SLC35F2: variants seen among roughly 807,000 people sequenced by gnomAD.
The protein encoded by SLC35F2 is solute carrier family 35 member F2.
SLC35F2 carries 25 observed loss-of-function variants against 38.1 expected under a neutral mutation model. The ratio of observed to expected loss-of-function variants is 0.66; its 90% CI spans 0.48 to 0.92. SLC35F2 has a LOEUF of 0.92. Ranked by LOEUF, SLC35F2 falls within the 40% of genes least tolerant of loss-of-function variation. The probability of loss-of-function intolerance (pLI) is 0.00; values close to 1 mark genes in which losing one functional copy is unlikely to be tolerated. For missense variants in SLC35F2, 409 were observed against 452.9 expected, an observed-to-expected ratio of 0.90 and a Z score of 0.88; for synonymous variants, 173 against 181.7, an observed-to-expected ratio of 0.95 and a Z score of 0.38.
In SLC35F2 at chr11:107,804,890, T is replaced by A. The variant is rs544301791; in HGVS notation, c.732-120A>T. 154 of 1,175,188 alleles carry A rather than the reference T, an allele frequency of 1.3e-4. No homozygotes were observed. In the South Asian group the frequency reaches 2.1e-3, roughly 16 times the overall value. The allele number at this position is 1,175,188 out of a possible 1,614,324, so 72.8% of individuals were successfully genotyped here. A position where few individuals can be genotyped will look rare whatever the true frequency, so the allele number is the denominator to read the frequency against. ...ATTACATGGACATTTGAATTTGTCT[T>A]AGAATATAAAAATAACGATCTTTAA... On this transcript the variant is annotated intron_variant, in intron 5 of 7. Coordinates refer to ENST00000525815, the MANE Select transcript of SLC35F2 (RefSeq NM_017515.5).
chr11:107,817,743 T>C (rs1183952635), intron 1 of SLC35F2, among the ~76,000 whole-genome samples: 1 of 152,056 alleles, frequency 6.6e-6, no homozygotes, highest in Non-Finnish European at 1.5e-5. Context: ...TCAACATGTA[T>C]CCGTGTATCT....
chr11:107,833,090 A>G (rs981609314), intron 1 of SLC35F2, among the ~76,000 whole-genome samples: 2 of 152,226 alleles, frequency 1.3e-5, no homozygotes, highest in African/African-American at 4.8e-5. Flanking sequence ...ATTCATGCTA[A>G]TGGACGCCAT....
intron 6 of SLC35F2, among the ~76,000 whole-genome samples, chr11:107,804,115 C>T (rs1378713659): frequency 2.0e-5 from 3 of 151,732 alleles, no homozygotes; most frequent in Admixed American, 1.3e-4. Flanking sequence ...GGATTACGGG[C>T]GTGAGCCACC....
intron 1 of SLC35F2, among the ~76,000 whole-genome samples, chr11:107,818,072 A>AAAAAAAAGAAAG: frequency 1.5e-5 from 1 of 68,438 alleles, no homozygotes; most frequent in Non-Finnish European, 2.6e-5. Flanking sequence ...AAAAAAAAAA[A>AAAAAAAAGAAAG]AAAGAAAGAA....
At chr11:107,847,491 A>G (rs2134855370) in intron 1 of SLC35F2, among the ~76,000 whole-genome samples, 1 of 152,344 alleles carries the variant, frequency 6.6e-6, no homozygotes, top group African/African-American at 2.4e-5. Flanking sequence ...TTTTTATTTC[A>G]GTCTTAACTC....
intron 1 of SLC35F2, among the ~76,000 whole-genome samples, chr11:107,821,010 A>G (rs1859661980): frequency 6.6e-6 from 1 of 152,152 alleles, no homozygotes; most frequent in South Asian, 2.1e-4. Context: ...CCTTGCTGTC[A>G]GGAAAGAAGG....
At chr11:107,817,581 G>T (rs867716438) in intron 1 of SLC35F2, among the ~76,000 whole-genome samples, 2 of 151,888 alleles carry the variant, frequency 1.3e-5, no homozygotes, top group Non-Finnish European at 2.9e-5. Context: ...TTCCTCTCTG[G>T]CCTTAGGTGA....
chr11:107,856,185 T>A (rs1368427052), intron 1 of SLC35F2, among the ~76,000 whole-genome samples: 1 of 151,316 alleles, frequency 6.6e-6, no homozygotes, highest in Non-Finnish European at 1.5e-5. Context: ...TAAACATACA[T>A]CTTGCCATAT....
chr11:107,850,473 T>G (rs1369615565), intron 1 of SLC35F2, among the ~76,000 whole-genome samples: 1 of 152,136 alleles, frequency 6.6e-6, no homozygotes, highest in African/African-American at 2.4e-5. Context: ...GGTGCTATAC[T>G]GGCATTTATT....
At chr11:107,821,561 G>T (rs900624319) in intron 1 of SLC35F2, 40 of 985,256 alleles carry the variant, frequency 4.1e-5, no homozygotes, top group African/African-American at 3.8e-4. Flanking sequence ...GTTACTTATA[G>T]CTCCACTTTC....
chr11:107,825,581 G>C (rs1005809191), intron 1 of SLC35F2, among the ~76,000 whole-genome samples: 17 of 151,940 alleles, frequency 1.1e-4, no homozygotes, highest in Non-Finnish European at 1.5e-5. Context: ...ATGTTGGTCA[G>C]GCTGGTCTCA....
At chr11:107,812,327 A>C (rs1424931563) in intron 2 of SLC35F2, among the ~76,000 whole-genome samples, 6 of 152,146 alleles carry the variant, frequency 3.9e-5, no homozygotes, top group Admixed American at 3.3e-4. Flanking sequence ...ATCATCAGAG[A>C]CCAAGTGTTC....
At chr11:107,822,085 C>A (rs979102656) in intron 1 of SLC35F2, among the ~76,000 whole-genome samples, 1 of 151,860 alleles carries the variant, frequency 6.6e-6, no homozygotes, top group Non-Finnish European at 1.5e-5. Context: ...TGGAAAAATA[C>A]AAAAAAAATT....
At chr11:107,851,144 T>A (rs1227906392) in intron 1 of SLC35F2, among the ~76,000 whole-genome samples, 3 of 151,744 alleles carry the variant, frequency 2.0e-5, no homozygotes, top group East Asian at 3.9e-4. Context: ...GTGCCTGTAG[T>A]CCCAGCTACT....
chr11:107,805,283 A>C, intron 5 of SLC35F2, 76 bp downstream of exon 5: 1 of 1,466,644 alleles, frequency 6.8e-7, no homozygotes, highest in Non-Finnish European at 9.1e-7. Flanking sequence ...GGGCCAAATA[A>C]ACAATGAATA....
intron 1 of SLC35F2, among the ~76,000 whole-genome samples, chr11:107,854,295 G>A (rs546341596): frequency 3.3e-4 from 49 of 149,854 alleles, no homozygotes; most frequent in African/African-American, 1.0e-3. Flanking sequence ...CTAGTAGTGC[G>A]TGGCAGTGCA....
chr11:107,840,683 G>C (rs1260220731), intron 1 of SLC35F2: 2 of 152,208 alleles, frequency 1.3e-5, no homozygotes, highest in African/African-American at 4.8e-5. Context: ...TCCTGCTGTG[G>C]TTTGGACTCC....
At chr11:107,794,092 T>C (rs1859179263) in intron 7 of SLC35F2, among the ~76,000 whole-genome samples, 1 of 151,626 alleles carries the variant, frequency 6.6e-6, no homozygotes. Flanking sequence ...TCTTTTTTTT[T>C]TTTTTTTAGA....
chr11:107,853,804 T>G (rs1860231738), intron 1 of SLC35F2, among the ~76,000 whole-genome samples: 1 of 151,276 alleles, frequency 6.6e-6, no homozygotes, highest in Non-Finnish European at 1.5e-5. Flanking sequence ...ATAAAACTCA[T>G]GCCCTTGAAA....
Sources: allele counts gnomAD v4.1 joint callset (sites outside exome capture counted in the v4.1 genomes callset), GRCh38; gene constraint gnomAD v4.1.1; transcripts MANE v1.5; gene names NCBI Gene and HGNC (gene_info 2026-07-23, HGNC 2026-07-21).